Variants in AKAP13 observed in about 807,000 individuals in gnomAD.
AKAP13 encodes the protein A-kinase anchor protein 13.
AKAP13 carries 80 observed loss-of-function variants against 264.5 expected under a neutral mutation model. The observed-to-expected ratio is 0.30, with a 90% CI of 0.25 to 0.36. The LOEUF is 0.36. Among genes scored for constraint, AKAP13 ranks in the 10% least tolerant of loss-of-function variants. The probability of loss-of-function intolerance (pLI) is 1.00; values close to 1 mark genes in which losing one functional copy is unlikely to be tolerated. For missense variants in AKAP13, 3,712 were observed against 3,435.2 expected, an observed-to-expected ratio of 1.08 and a Z score of -2.01; for synonymous variants, 1,380 against 1,250.2, an observed-to-expected ratio of 1.10 and a Z score of -2.19.
chr15:85,442,503 T>TAA (rs1273186629), intron 1 of AKAP13, among the ~76,000 whole-genome samples: 14 of 108,474 alleles, frequency 1.3e-4, no homozygotes, highest in African/African-American at 2.9e-4. Context: ...ATATATTATA[T>TAA]TATATATAAT....
At chr15:85,714,541 T>C (rs1183676484) in intron 19 of AKAP13, among the ~76,000 whole-genome samples, 1 of 152,254 alleles carries the variant, frequency 6.6e-6, no homozygotes, top group Non-Finnish European at 1.5e-5. Flanking sequence ...ATGTAGACTC[T>C]TGGGTTCCAC....
At position 85,747,811 on chromosome 15, in the gene AKAP13, T is replaced by G. The variant is rs2089414202; in HGVS notation, c.*3134T>G. 1 of 152,960 alleles carries G rather than the reference T, an allele frequency of 6.5e-6. No homozygotes were observed. Among genetic ancestry groups the G allele is most frequent in the Admixed American group, 6.5e-5 (1 of 15,282 alleles). The allele number at this position is 152,960 out of a possible 1,614,324, so 9.5% of individuals were successfully genotyped here. ...CCTTACCAAGGTTTTTTTGGAAAGGTACGAATCTTAACTTTTTTCCCCTTC... is the reference window on the plus strand; with the variant it reads ...CCTTACCAAGGTTTTTTTGGAAAGGGACGAATCTTAACTTTTTTCCCCTTC... On this transcript the variant is annotated 3_prime_UTR_variant, in exon 37 of 37. Coordinates refer to ENST00000394518, the MANE Select transcript of AKAP13 (RefSeq NM_007200.5).
chr15:85,739,164 G>GT (rs1297292093), intron 33 of AKAP13, among the ~76,000 whole-genome samples: 1 of 152,128 alleles, frequency 6.6e-6, no homozygotes, highest in Admixed American at 6.5e-5. Flanking sequence ...TACATACATT[G>GT]TTTTTTCACA....
intron 2 of AKAP13, among the ~76,000 whole-genome samples, chr15:85,508,489 G>A (rs1240412916): frequency 6.6e-6 from 1 of 151,884 alleles, no homozygotes; most frequent in African/African-American, 2.4e-5. Flanking sequence ...GGGAATTCCA[G>A]CCCTCTGACG....
intron 6 of AKAP13, chr15:85,577,903 C>T: frequency 1.2e-6 from 1 of 826,460 alleles, no homozygotes; most frequent in Non-Finnish European, 1.5e-6. Context: ...ACATTGGCTG[C>T]ACCTTGTAAT....
intron 5 of AKAP13, among the ~76,000 whole-genome samples, chr15:85,551,205 A>T (rs2077951928): frequency 6.6e-6 from 1 of 152,072 alleles, no homozygotes. Flanking sequence ...AACTTTAAGC[A>T]TTTTGACATT....
chr15:85,539,486 T>C (rs2077513826), intron 4 of AKAP13, among the ~76,000 whole-genome samples: 1 of 152,062 alleles, frequency 6.6e-6, no homozygotes, highest in African/African-American at 2.4e-5. Flanking sequence ...ATTCAAAGAG[T>C]ACTGTAAGCT....
intron 19 of AKAP13, among the ~76,000 whole-genome samples, chr15:85,712,061 TG>T (rs1490371684): frequency 6.6e-6 from 1 of 152,200 alleles, no homozygotes; most frequent in African/African-American, 2.4e-5. Flanking sequence ...CTCAAACTCC[TG>T]GCCTCAAGCA....
At chr15:85,462,865 A>G (rs1219442460) in intron 1 of AKAP13, among the ~76,000 whole-genome samples, 1 of 150,868 alleles carries the variant, frequency 6.6e-6, no homozygotes, top group Non-Finnish European at 1.5e-5. Context: ...TCTACTAAAA[A>G]TACAAAAAAT....
At chr15:85,531,889 T>G (rs974421854) in intron 3 of AKAP13, among the ~76,000 whole-genome samples, 1 of 152,222 alleles carries the variant, frequency 6.6e-6, no homozygotes, top group Non-Finnish European at 1.5e-5. Flanking sequence ...AGGCAGGGAC[T>G]TAGCTCTTAG....
intron 4 of AKAP13, among the ~76,000 whole-genome samples, chr15:85,539,413 A>G (rs757835973): frequency 6.6e-6 from 1 of 152,088 alleles, no homozygotes; most frequent in Non-Finnish European, 1.5e-5. Context: ...GTGGGACTTT[A>G]GGTTTTTTAA....
At chr15:85,684,148 A>G (rs1356565441) in intron 15 of AKAP13, among the ~76,000 whole-genome samples, 3 of 152,214 alleles carry the variant, frequency 2.0e-5, no homozygotes, top group Non-Finnish European at 2.9e-5. Context: ...TCAAGCACCC[A>G]TTTGTTACAA....
chr15:85,658,539 C>T lies in AKAP13; in HGVS notation c.4748C>T (p.Ser1583Leu), dbSNP rs1005564916. ...ACCTCTTCACCATTCATTTTCAGTT[C>T]AATGCGAGTTCTTGGGGATGTTGTC... is the stretch of plus-strand genomic sequence containing the variant. ...ASDAEMNHRS[S>L]MRVLGDVVRR... Residue 1583 changes from serine to leucine, a missense_variant and splice_region_variant, in exon 12 of 37, where the codon TCA becomes TTA. By Grantham distance (145) the Ser-to-Leu change is moderately radical. Coordinates refer to ENST00000394518, the MANE Select transcript of AKAP13 (RefSeq NM_007200.5). The T allele has an allele frequency of 1.9e-6, 3 of 1,613,716 alleles. No homozygotes were observed. Among genetic ancestry groups the T allele is most frequent in the African/African-American group, 2.7e-5 (2 of 74,912 alleles).
At chr15:85,527,043 C>T (rs999966877) in intron 3 of AKAP13, among the ~76,000 whole-genome samples, 3 of 151,596 alleles carry the variant, frequency 2.0e-5, no homozygotes, top group Non-Finnish European at 4.4e-5. Flanking sequence ...CAAGCTCCGC[C>T]TCCTGGGTTC....
intron 8 of AKAP13, among the ~76,000 whole-genome samples, chr15:85,625,293 C>T: frequency 6.6e-6 from 1 of 152,146 alleles, no homozygotes; most frequent in Non-Finnish European, 1.5e-5. Flanking sequence ...ACATAATCAT[C>T]TTCATTTTTC....
chr15:85,434,763 G>C (rs2073195369), intron 1 of AKAP13, among the ~76,000 whole-genome samples: 1 of 152,074 alleles, frequency 6.6e-6, no homozygotes, highest in Admixed American at 6.5e-5. Flanking sequence ...TGAGGGTCCT[G>C]TCTGTTAGAA....
intron 1 of AKAP13, among the ~76,000 whole-genome samples, chr15:85,411,214 C>G (rs1191594418): frequency 2.0e-5 from 3 of 152,208 alleles, no homozygotes; most frequent in Non-Finnish European, 4.4e-5. Context: ...CTCCAGTAGT[C>G]ACGGTATTCA....
intron 2 of AKAP13, among the ~76,000 whole-genome samples, chr15:85,517,492 C>T (rs543525610): frequency 1.3e-5 from 2 of 152,128 alleles, no homozygotes; most frequent in East Asian, 1.9e-4. Context: ...AAGGAAAATA[C>T]GTTCTTAGAA....
Position 85,746,918 on chromosome 15 carries a change from C to T in AKAP13, c.*2241C>T, listed in dbSNP as rs960584402. 1 of 152,240 alleles carries T rather than the reference C, an allele frequency of 6.6e-6. No individual in the cohort carries two copies. The highest frequency in any genetic ancestry group is 2.4e-5 in the African/African-American group (1 of 41,462). 9.4% of individuals were successfully genotyped at this position (152,240 alleles called of 1,614,324 possible). A position where few individuals can be genotyped will look rare whatever the true frequency, so the allele number is the denominator to read the frequency against. On this transcript the variant is annotated 3_prime_UTR_variant, in exon 37 of 37. Transcript: ENST00000394518. Reference sequence around the variant, plus strand: ...GATTTACTTGCGTACGTGCTCTTCACAAAAACACCGTGGATGCTGAAGTTA... The same window carrying T: ...GATTTACTTGCGTACGTGCTCTTCATAAAAACACCGTGGATGCTGAAGTTA...
Sources: gnomAD v4.1 joint callset for allele counts (sites outside exome capture counted in the v4.1 genomes callset) on GRCh38, gnomAD v4.1.1 for gene constraint, MANE v1.5 for transcripts, NCBI Gene and HGNC (gene_info 2026-07-23, HGNC 2026-07-21) for gene names.